PPP3CA: variants seen among roughly 807,000 people sequenced by gnomAD.
PPP3CA encodes CAM-PRP catalytic subunit.
Under a neutral mutation model 66.5 loss-of-function variants are expected in PPP3CA, and 14 were observed. That is an observed-to-expected ratio of 0.21 (90% CI 0.14 to 0.33). The LOEUF (loss-of-function observed/expected upper bound fraction) is 0.33, where lower values mean the gene tolerates loss of function less well. Ranked by LOEUF, PPP3CA falls within the 10% of genes least tolerant of loss-of-function variation. PPP3CA has a pLI of 1.00. For synonymous variants in PPP3CA, 232 were observed against 226.2 expected, an observed-to-expected ratio of 1.03 and a Z score of -0.23; for missense variants, 317 against 639.5, an observed-to-expected ratio of 0.50 and a Z score of 5.44.
chr4:101,256,738 C>T (rs1455704836), intron 1 of PPP3CA, among the ~76,000 whole-genome samples: 4 of 151,912 alleles, frequency 2.6e-5, no homozygotes, highest in Non-Finnish European at 4.4e-5. Context: ...TTCTGGTTCC[C>T]TGAGAAGCAC....
At chr4:101,235,493 G>C (rs1726099225) in intron 1 of PPP3CA, among the ~76,000 whole-genome samples, 2 of 151,134 alleles carry the variant, frequency 1.3e-5, no homozygotes, top group East Asian at 3.9e-4. Flanking sequence ...ATCACTGTTA[G>C]CACGGACATG....
intron 2 of PPP3CA, among the ~76,000 whole-genome samples, chr4:101,180,036 G>A (rs1724186174): frequency 6.6e-6 from 1 of 152,096 alleles, no homozygotes. Flanking sequence ...AAAAATGATA[G>A]GACCATGATT....
At chr4:101,185,410 A>G (rs1399171088) in intron 2 of PPP3CA, among the ~76,000 whole-genome samples, 4 of 152,200 alleles carry the variant, frequency 2.6e-5, no homozygotes, top group South Asian at 2.1e-4. Flanking sequence ...AATGATTCCA[A>G]TATCTCTAAC....
At chr4:101,066,626 A>G (rs1163991691) in intron 8 of PPP3CA, among the ~76,000 whole-genome samples, 2 of 152,142 alleles carry the variant, frequency 1.3e-5, no homozygotes, top group African/African-American at 4.8e-5. Flanking sequence ...ACCTTACATT[A>G]GTAAGTTACT....
intron 10 of PPP3CA, among the ~76,000 whole-genome samples, chr4:101,053,532 T>C (rs1160101364): frequency 1.3e-5 from 2 of 152,134 alleles, no homozygotes; most frequent in African/African-American, 4.8e-5. Flanking sequence ...CCTATTTCAC[T>C]CTTAATAAAT....
intron 8 of PPP3CA, among the ~76,000 whole-genome samples, chr4:101,071,517 G>A (rs1335914973): frequency 6.6e-6 from 1 of 152,144 alleles, no homozygotes; most frequent in Non-Finnish European, 1.5e-5. Context: ...GCTTTATAGA[G>A]AATGAGATTT....
intron 2 of PPP3CA, among the ~76,000 whole-genome samples, chr4:101,162,274 T>G (rs1723539462): frequency 6.6e-6 from 1 of 151,332 alleles, no homozygotes; most frequent in African/African-American, 2.4e-5. Flanking sequence ...GGCTCACACC[T>G]GTAATCCCAG....
chr4:101,032,514 C>CTT (rs1727020314), intron 11 of PPP3CA, 150 bp from the exon 12 acceptor site: 9 of 641,692 alleles, frequency 1.4e-5, no homozygotes, highest in East Asian at 2.8e-5. Flanking sequence ...TTTTAACATA[C>CTT]TTTATTTTAA....
At chr4:101,147,037 C>A (rs1418288789) in intron 2 of PPP3CA, among the ~76,000 whole-genome samples, 3 of 152,160 alleles carry the variant, frequency 2.0e-5, no homozygotes, top group African/African-American at 4.8e-5. Context: ...TTTTTATCCT[C>A]ATTTTTCAAA....
chr4:101,067,306 G>A (rs1266706059), intron 8 of PPP3CA, among the ~76,000 whole-genome samples: 1 of 152,064 alleles, frequency 6.6e-6, no homozygotes, highest in African/African-American at 2.4e-5. Context: ...TGCTGTAAAA[G>A]ATGTAAAATT....
At chr4:101,036,023 G>A (rs1268516430) in intron 11 of PPP3CA, among the ~76,000 whole-genome samples, 1 of 152,134 alleles carries the variant, frequency 6.6e-6, no homozygotes. Context: ...AACCACCTGA[G>A]ACATGACTAG....
intron 2 of PPP3CA, among the ~76,000 whole-genome samples, chr4:101,132,530 C>T (rs187789321): frequency 5.3e-5 from 8 of 152,112 alleles, no homozygotes; most frequent in Admixed American, 3.9e-4. Flanking sequence ...GACACATACA[C>T]CCTCCCAAGA....
chr4:101,229,288 T>G (rs1225733785), intron 1 of PPP3CA, among the ~76,000 whole-genome samples: 3 of 151,506 alleles, frequency 2.0e-5, no homozygotes, highest in African/African-American at 7.3e-5. Context: ...CCTTGTGGTT[T>G]TGAATGGAAT....
intron 1 of PPP3CA, among the ~76,000 whole-genome samples, chr4:101,210,324 C>T (rs1418909719): frequency 6.6e-6 from 1 of 152,124 alleles, no homozygotes; most frequent in South Asian, 2.1e-4. Flanking sequence ...AACATTTCTT[C>T]AAGCTTTTCA....
At chr4:101,138,384 T>C (rs1028643200) in intron 2 of PPP3CA, among the ~76,000 whole-genome samples, 1 of 152,252 alleles carries the variant, frequency 6.6e-6, no homozygotes, top group Non-Finnish European at 1.5e-5. Flanking sequence ...CATTGGTTTA[T>C]TGTGTGATAT....
At chr4:101,187,547 T>A (rs1724452300) in intron 2 of PPP3CA, among the ~76,000 whole-genome samples, 1 of 152,172 alleles carries the variant, frequency 6.6e-6, no homozygotes, top group Non-Finnish European at 1.5e-5. Flanking sequence ...TACCAGCTTA[T>A]CTCATGAAGA....
intron 2 of PPP3CA, among the ~76,000 whole-genome samples, chr4:101,128,388 T>A (rs1243702044): frequency 6.6e-6 from 1 of 152,144 alleles, no homozygotes; most frequent in Non-Finnish European, 1.5e-5. Context: ...TTGTACACCA[T>A]GAATATGGAC....
chr4:101,086,868 T>C (rs532983148), intron 6 of PPP3CA, among the ~76,000 whole-genome samples: 4 of 152,338 alleles, frequency 2.6e-5, no homozygotes, highest in South Asian at 2.1e-4. Flanking sequence ...TGTCAGCTTA[T>C]TGGGGCTTAT....
At chr4:101,256,198 A>T (rs1726835981) in intron 1 of PPP3CA, among the ~76,000 whole-genome samples, 1 of 139,630 alleles carries the variant, frequency 7.2e-6, no homozygotes, top group African/African-American at 2.8e-5. Context: ...CACAATAAAA[A>T]TGCTATATTA....
Sources: allele counts gnomAD v4.1 joint callset (sites outside exome capture counted in the v4.1 genomes callset), GRCh38; gene constraint gnomAD v4.1.1; transcripts MANE v1.5; gene names NCBI Gene and HGNC (gene_info 2026-07-23, HGNC 2026-07-21).